PDE8B: variants seen among roughly 807,000 people sequenced by gnomAD.
PDE8B encodes the protein high affinity cAMP-specific and IBMX-insensitive 3',5'-cyclic phosphodiesterase 8B.
A neutral mutation model predicts 101.3 loss-of-function variants in PDE8B; 26 were observed. That is an observed-to-expected ratio of 0.26 (90% confidence interval 0.19 to 0.36). The LOEUF is 0.36. PDE8B is among the 10% of genes least tolerant of loss of function. The pLI is 1.00. For missense variants in PDE8B, 810 were observed against 1,163.1 expected, an observed-to-expected ratio of 0.70 and a Z score of 4.42; for synonymous variants, 424 against 429.3, an observed-to-expected ratio of 0.99 and a Z score of 0.15.
chr5:77,263,868 A>G (rs1484742706), intron 1 of PDE8B, among the ~76,000 whole-genome samples: 2 of 152,200 alleles, frequency 1.3e-5, no homozygotes, highest in Non-Finnish European at 2.9e-5. Context: ...AACCATCACC[A>G]TAATCAATTT....
At chr5:77,407,311 G>A in intron 12 of PDE8B, 70 bp from the exon 13 acceptor site, 2 of 1,141,422 alleles carry the variant, frequency 1.8e-6, no homozygotes, top group South Asian at 1.2e-5. Flanking sequence ...GTCCATGAAG[G>A]GACTCCTTTG....
chr5:77,243,579 T>G (rs1034196246), intron 1 of PDE8B, among the ~76,000 whole-genome samples: 1 of 152,200 alleles, frequency 6.6e-6, no homozygotes, highest in Admixed American at 6.5e-5. Context: ...CTGGAAATTT[T>G]ATATAAATGG....
chr5:77,310,336 G>GA (rs1484191638), intron 1 of PDE8B, among the ~76,000 whole-genome samples: 2 of 152,218 alleles, frequency 1.3e-5, no homozygotes, highest in Admixed American at 6.5e-5. Flanking sequence ...ACTGGCTTGG[G>GA]AGTGGAGCTG....
intron 1 of PDE8B, among the ~76,000 whole-genome samples, chr5:77,282,672 A>T (rs535469356): frequency 3.9e-5 from 6 of 152,038 alleles, no homozygotes; most frequent in African/African-American, 1.4e-4. Context: ...GAGGTGGAGG[A>T]AAGATTCTTA....
chr5:77,222,197 G>T (rs1751249370), intron 1 of PDE8B, among the ~76,000 whole-genome samples: 1 of 152,164 alleles, frequency 6.6e-6, no homozygotes, highest in Non-Finnish European at 1.5e-5. Context: ...GCACGGTAGG[G>T]ATAATGCATC....
intron 20 of PDE8B, among the ~76,000 whole-genome samples, chr5:77,425,429 T>C (rs1797832381): frequency 6.6e-6 from 1 of 152,190 alleles, no homozygotes; most frequent in South Asian, 2.1e-4. Flanking sequence ...GACAGGTGCC[T>C]GTATTCCCAG....
the PDE8B span, among the ~76,000 whole-genome samples, chr5:77,126,715 C>T: frequency 2.0e-5 from 3 of 152,132 alleles, no homozygotes; most frequent in Admixed American, 1.3e-4. Context: ...CCACAGCACC[C>T]GGCCCTACAA....
intron 10 of PDE8B, among the ~76,000 whole-genome samples, chr5:77,362,331 A>C (rs938079327): frequency 6.6e-6 from 1 of 152,222 alleles, no homozygotes; most frequent in African/African-American, 2.4e-5. Context: ...TGCTATGTTT[A>C]AGAAATAATA....
chr5:77,385,801 T>TG, intron 10 of PDE8B, among the ~76,000 whole-genome samples: 1 of 147,784 alleles, frequency 6.8e-6, no homozygotes, highest in African/African-American at 2.5e-5. Context: ...TGAGGTTTTT[T>TG]TTTTTTTTTT....
intron 1 of PDE8B, among the ~76,000 whole-genome samples, chr5:77,300,346 T>A (rs926250254): frequency 6.6e-6 from 1 of 152,202 alleles, no homozygotes; most frequent in Non-Finnish European, 1.5e-5. Context: ...CAAAATGGTC[T>A]TTTAGGACTT....
the PDE8B span, chr5:77,112,032 T>C: frequency 2.6e-5 from 4 of 152,332 alleles, no homozygotes; most frequent in East Asian, 1.9e-4. Context: ...TAATGTAATA[T>C]GTTAAAATAG....
At chr5:77,097,707 C>CTATATATATATATATATATATATA in the PDE8B span, among the ~76,000 whole-genome samples, 1 of 20,946 alleles carries the variant, frequency 4.8e-5, no homozygotes, top group Non-Finnish European at 1.1e-4. Flanking sequence ...ATATATATAT[C>CTATATATATATATATATATATATA]TATATATATA....
At chr5:77,096,501 A>G in the PDE8B span, among the ~76,000 whole-genome samples, 1 of 152,134 alleles carries the variant, frequency 6.6e-6, no homozygotes, top group Non-Finnish European at 1.5e-5. Context: ...GGGTGAGAGC[A>G]TTCTGGTTTC....
chr5:77,154,944 CATT>C, the PDE8B span, among the ~76,000 whole-genome samples: 2 of 152,100 alleles, frequency 1.3e-5, no homozygotes, highest in South Asian at 4.1e-4. Context: ...CCTTAGTGAT[CATT>C]GAGTCTGGAT....
chr5:77,183,981 A>T, the PDE8B span, among the ~76,000 whole-genome samples: 34,426 of 137,010 alleles, frequency 0.25, 5,109 homozygotes, highest in East Asian at 0.81. Flanking sequence ...TTTTTTTTTT[A>T]AAAAAAAACA....
At chr5:77,131,553 C>T in the PDE8B span, among the ~76,000 whole-genome samples, 1 of 152,196 alleles carries the variant, frequency 6.6e-6, no homozygotes, top group South Asian at 2.1e-4. Flanking sequence ...GCCATTTAAC[C>T]TCATTCATCA....
At chr5:77,405,508 A>C (rs1386714326) in intron 12 of PDE8B, among the ~76,000 whole-genome samples, 2 of 152,130 alleles carry the variant, frequency 1.3e-5, no homozygotes, top group Admixed American at 1.3e-4. Context: ...GGGGCTATAG[A>C]TGTGGAGTTG....
chr5:77,358,418 C>T, intron 10 of PDE8B: 2 of 984,858 alleles, frequency 2.0e-6, no homozygotes, highest in Non-Finnish European at 2.4e-6. Context: ...TTTTTGTCTG[C>T]ACCACCCATT....
chr5:77,102,055 A>T, the PDE8B span, among the ~76,000 whole-genome samples: 1 of 152,194 alleles, frequency 6.6e-6, no homozygotes, highest in Admixed American at 6.5e-5. Context: ...TTAAATTTTT[A>T]AAAAGCCTAT....
Sources: gnomAD v4.1 joint callset for allele counts (sites outside exome capture counted in the v4.1 genomes callset) on GRCh38, gnomAD v4.1.1 for gene constraint, MANE v1.5 for transcripts, NCBI Gene and HGNC (gene_info 2026-07-23, HGNC 2026-07-21) for gene names.